The following RASGRF2 variants were observed in gnomAD, a reference collection of about 807,000 sequenced individuals.
The protein encoded by RASGRF2 is ras-specific guanine nucleotide-releasing factor 2.
A neutral mutation model predicts 151.0 loss-of-function variants in RASGRF2; 76 were observed. The observed-to-expected ratio is 0.50, with a 90% CI of 0.42 to 0.61. The LOEUF is 0.61. RASGRF2 is among the 20% of genes least tolerant of loss of function. The probability of loss-of-function intolerance (pLI) is 0.00; values close to 1 mark genes in which losing one functional copy is unlikely to be tolerated. For synonymous variants in RASGRF2, 504 were observed against 566.5 expected (o/e 0.89, Z 1.57); for missense variants, 1,148 against 1,564.6 (o/e 0.73, Z 4.49).
At chr5:81,063,160 G>A (rs1263305677) in intron 2 of RASGRF2, among the ~76,000 whole-genome samples, 1 of 152,084 alleles carries the variant, frequency 6.6e-6, no homozygotes, top group Admixed American at 6.6e-5. Flanking sequence ...ATGTATCAGA[G>A]TATGAAATGT....
intron 1 of RASGRF2, among the ~76,000 whole-genome samples, chr5:81,005,514 C>G (rs1319310839): frequency 6.6e-6 from 1 of 152,066 alleles, no homozygotes; most frequent in African/African-American, 2.4e-5. Flanking sequence ...GGGGGCACAG[C>G]CAAACCATAT....
intron 2 of RASGRF2, among the ~76,000 whole-genome samples, chr5:81,056,718 G>A (rs1751226895): frequency 6.6e-6 from 1 of 152,162 alleles, no homozygotes; most frequent in African/African-American, 2.4e-5. Context: ...GTCTAATGTT[G>A]ACAGTGTGGT....
At chr5:81,169,218 C>T (rs1754585672) in intron 17 of RASGRF2, among the ~76,000 whole-genome samples, 1 of 152,200 alleles carries the variant, frequency 6.6e-6, no homozygotes, top group Admixed American at 6.5e-5. Context: ...ATCATCTACC[C>T]AGCTGAACAG....
At chr5:81,219,523 T>G in intron 25 of RASGRF2, 187 bp from the exon 26 acceptor site, 1 of 504,622 alleles carries the variant, frequency 2.0e-6, no homozygotes, top group Non-Finnish European at 3.5e-6. Flanking sequence ...CTTTTGGCAT[T>G]TCATGTGCCT....
chr5:81,054,061 C>G (rs1167610374), intron 2 of RASGRF2, among the ~76,000 whole-genome samples: 1 of 152,082 alleles, frequency 6.6e-6, no homozygotes, highest in African/African-American at 2.4e-5. Context: ...AAAATTTTCT[C>G]CCATTCTGTA....
At chr5:81,020,139 T>C (rs916904730) in intron 1 of RASGRF2, among the ~76,000 whole-genome samples, 6 of 152,206 alleles carry the variant, frequency 3.9e-5, no homozygotes, top group African/African-American at 1.2e-4. Flanking sequence ...TTGCATTTCC[T>C]AGAGGTATTG....
rs146547338 is a variant in RASGRF2, at chr5:81,027,284, CAT to C, written c.289-15592_289-15591del. On this transcript the variant is annotated intron_variant, in intron 1 of 26. Coordinates refer to ENST00000265080, the MANE Select transcript of RASGRF2 (RefSeq NM_006909.3). ...ATATTTGTTCATCAACTGTAACAAA[CAT>C]GTCACATATATGCAAAATGTTAATA... Among the ~76,000 whole-genome samples the C allele has an allele frequency of 9.7e-3, 1,475 of 152,252 alleles. 27 individuals are homozygous for C. The highest frequency in any genetic ancestry group is 0.03 in the African/African-American group (1,241 of 41,526).
rs1331856337 is a variant in RASGRF2 at position 81,113,642 on chromosome 5, T to A, written c.2192T>A (p.Leu731Gln). The change falls in exon 15 of 27, where the codon CTG (leucine) becomes CAG (glutamine). Residue 731 changes from leucine (L) to glutamine (Q), a missense_variant. Physicochemically the swap from Leu to Gln is moderately radical, Grantham distance 113. Around this residue, in one of 5 missense-constraint regions of RASGRF2, gnomAD observed 646 missense variants for 807.4 expected, o/e 0.80. Coordinates refer to ENST00000265080, the MANE Select transcript of RASGRF2 (RefSeq NM_006909.3). ...CGCAAATTCTCTTCCCCGCCACCAC[T>A]GGCTGTGTCCAGAACATCTTCCCCA... is the stretch of plus-strand genomic sequence containing the variant. ...LCRKFSSPPP[L>Q]AVSRTSSPVR... 8.7e-6 allele frequency: 14 copies of A among 1,612,014 alleles called. No homozygotes were observed. The highest frequency in any genetic ancestry group is 2.7e-5 in the African/African-American group (2 of 74,862).
chr5:80,996,615 A>T (rs1748892398), intron 1 of RASGRF2, among the ~76,000 whole-genome samples: 1 of 129,246 alleles, frequency 7.7e-6, no homozygotes, highest in Non-Finnish European at 1.6e-5. Context: ...TGACACTGTC[A>T]AAAAAGTCTC....
chr5:81,191,442 GT>G (rs1755151760), intron 18 of RASGRF2, among the ~76,000 whole-genome samples: 1 of 152,006 alleles, frequency 6.6e-6, no homozygotes. Flanking sequence ...ATGGATCAGG[GT>G]AAAAAGAAAA....
intron 13 of RASGRF2, among the ~76,000 whole-genome samples, chr5:81,110,669 A>C (rs1460956848): frequency 6.6e-6 from 1 of 152,236 alleles, no homozygotes; most frequent in Non-Finnish European, 1.5e-5. Flanking sequence ...ACTTGATCTC[A>C]ACTTTCTTAG....
At position 81,225,937 on chromosome 5, in the gene RASGRF2, G is replaced by T; in HGVS notation, c.*167G>T. 1.4e-6 allele frequency: 1 copy of T among 705,282 alleles called. No homozygotes were observed. The highest frequency in any genetic ancestry group is 2.1e-6 in the Non-Finnish European group (1 of 472,908). 43.7% of individuals were successfully genotyped at this position (705,282 alleles called of 1,614,324 possible). A position where few individuals can be genotyped will look rare whatever the true frequency, so the allele number is the denominator to read the frequency against. On this transcript the variant is annotated 3_prime_UTR_variant, in exon 27 of 27. Coordinates refer to ENST00000265080, the MANE Select transcript of RASGRF2 (RefSeq NM_006909.3). ...TCTCCAGAGAGAAACCCAGCTGTTTGGGTCAAAGACAGATGCTTCAGACTT... is the reference window on the plus strand; with the variant it reads ...TCTCCAGAGAGAAACCCAGCTGTTTTGGTCAAAGACAGATGCTTCAGACTT...
At chr5:81,056,477 A>G (rs1250049093) in intron 2 of RASGRF2, among the ~76,000 whole-genome samples, 1 of 152,234 alleles carries the variant, frequency 6.6e-6, no homozygotes, top group Non-Finnish European at 1.5e-5. Context: ...GTTTGATTGC[A>G]CTGTGGTCTG....
At chr5:81,111,198 A>G (rs1479548809) in intron 13 of RASGRF2, among the ~76,000 whole-genome samples, 3 of 152,238 alleles carry the variant, frequency 2.0e-5, no homozygotes, top group African/African-American at 7.2e-5. Flanking sequence ...ACTGAACGTC[A>G]CTGACCCTAC....
intron 22 of RASGRF2, among the ~76,000 whole-genome samples, chr5:81,211,838 A>G (rs1755636385): frequency 6.6e-6 from 1 of 152,192 alleles, no homozygotes; most frequent in African/African-American, 2.4e-5. Context: ...GATGAAGAAA[A>G]TGTTCTTTTC....
chr5:81,145,442 G>A (rs144325890), intron 17 of RASGRF2, among the ~76,000 whole-genome samples: 10 of 152,250 alleles, frequency 6.6e-5, no homozygotes, highest in African/African-American at 1.4e-4. Flanking sequence ...CTACTTCTCC[G>A]TTCAAGAAAT....
intron 1 of RASGRF2, 67 bp from the exon 2 acceptor site, chr5:81,042,810 A>G (rs1389776348): frequency 9.2e-7 from 1 of 1,087,172 alleles, no homozygotes. Flanking sequence ...GTAGGCAGAT[A>G]CTGTGTTATT....
rs1755648756 is a variant in RASGRF2 at position 81,212,476 on chromosome 5, C to T, written c.3267C>T (p.Asn1089=). The change falls in exon 23 of 27, where the codon AAC becomes AAT. Residue 1089 remains asparagine, a synonymous_variant. Coordinates refer to ENST00000265080, the MANE Select transcript of RASGRF2 (RefSeq NM_006909.3). ...AVADICRCLH[N]YNGVLEITSA... ...CGGACATCTGCCGATGCCTGCACAA[C>T]TACAACGGCGTGCTGGAGATCACCT... 6.2e-7 allele frequency: 1 copy of T among 1,613,894 alleles called. No homozygotes were observed. The highest frequency in any genetic ancestry group is 2.2e-5 in the East Asian group (1 of 44,880).
At chr5:81,207,443 C>T in intron 21 of RASGRF2, 94 bp downstream of exon 21, 1 of 1,024,890 alleles carries the variant, frequency 9.8e-7, no homozygotes, top group Non-Finnish European at 1.5e-6. Context: ...TATGTCTGTC[C>T]CCTCAGTTCC....
Sources: gnomAD v4.1 joint callset for allele counts (sites outside exome capture counted in the v4.1 genomes callset) on GRCh38, gnomAD v4.1.1 for gene constraint, gnomAD v4.1.1 regional missense constraint, MANE v1.5 for transcripts, NCBI Gene and HGNC (gene_info 2026-07-23, HGNC 2026-07-21) for gene names.